The following DOCK10 variants were observed in gnomAD, a reference collection of about 807,000 sequenced individuals.
The protein encoded by DOCK10 is dedicator of cytokinesis 10, also known as dedicator of cytokinesis protein 10.
DOCK10 carries 145 observed loss-of-function variants against 280.1 expected under a neutral mutation model. That is an observed-to-expected ratio of 0.52 (90% CI 0.45 to 0.59). The LOEUF (loss-of-function observed/expected upper bound fraction) is 0.59. Ranked by LOEUF, DOCK10 falls within the 20% of genes least tolerant of loss-of-function variation. DOCK10 has a pLI of 0.00. For synonymous variants in DOCK10, 915 were observed against 942.2 expected (o/e 0.97, Z 0.53); for missense variants, 2,368 against 2,651.7 (o/e 0.89, Z 2.35).
Position 224,852,252 on chromosome 2 carries a change from T to TA in DOCK10, c.2142+124dup. On this transcript the variant is annotated intron_variant, in intron 18 of 55. Coordinates refer to ENST00000258390, the MANE Select transcript of DOCK10 (RefSeq NM_014689.3). ...TGTTAAATCAGGTATGTTTCAGATC[T>TA]AAAACAAATGTATTAAATTACTGCT... The TA allele has an allele frequency of 5.6e-6, 4 of 709,372 alleles. No individual in the cohort carries two copies. The South Asian group carries it at 7.6e-5, about 13-fold the overall frequency. The allele number at this position is 709,372 out of a possible 1,614,324, so 43.9% of individuals were successfully genotyped here. A position where few individuals can be genotyped will look rare whatever the true frequency, so the allele number is the denominator to read the frequency against.
chr2:224,949,304 G>C (rs1483046061), intron 1 of DOCK10, among the ~76,000 whole-genome samples: 1 of 152,094 alleles, frequency 6.6e-6, no homozygotes. Context: ...TAGGACAATG[G>C]GCAAGAACCA....
chr2:224,967,328 C>T (rs191165837), intron 1 of DOCK10, among the ~76,000 whole-genome samples: 2,047 of 152,284 alleles, frequency 0.013, 28 homozygotes, highest in Non-Finnish European at 0.018. Context: ...GATCTGCCCA[C>T]CTCGGCCTCC....
At chr2:224,923,924 C>T (rs1446526009) in intron 2 of DOCK10, among the ~76,000 whole-genome samples, 1 of 152,232 alleles carries the variant, frequency 6.6e-6, no homozygotes, top group East Asian at 1.9e-4. Flanking sequence ...AAAGGTTATG[C>T]TGCTGATGAA....
At chr2:224,862,806 A>T in intron 13 of DOCK10, 60 bp from the exon 14 acceptor site, 1 of 944,726 alleles carries the variant, frequency 1.1e-6, no homozygotes, top group African/African-American at 1.7e-5. Flanking sequence ...TGTACATATA[A>T]AATAATACTA....
intron 1 of DOCK10, among the ~76,000 whole-genome samples, chr2:225,009,194 T>G (rs1575162932): frequency 6.6e-6 from 1 of 152,214 alleles, no homozygotes; most frequent in South Asian, 2.1e-4. Context: ...TAGGTTTAAG[T>G]GGTTAAAATT....
chr2:224,890,802 G>A (rs1258612459), intron 4 of DOCK10, among the ~76,000 whole-genome samples: 1 of 152,148 alleles, frequency 6.6e-6, no homozygotes, highest in Non-Finnish European at 1.5e-5. Context: ...TAACTCTTTG[G>A]GGGTGATAAC....
rs547478800 is a variant in DOCK10, at chr2:225,023,736, T to C, written c.123+18516A>G. Among the ~76,000 whole-genome samples the C allele has an allele frequency of 2.1e-3, 323 of 152,228 alleles. 5 individuals carry two copies. Among genetic ancestry groups the C allele is most frequent in the African/African-American group, 7.3e-3 (305 of 41,550 alleles). ...GAAAAGGCTGTTCTCAGAAGCATCA[T>C]TGATAACAGCAAAAACCAAAAACTA... On this transcript the variant is annotated intron_variant, in intron 1 of 55. Coordinates refer to ENST00000258390, the MANE Select transcript of DOCK10 (RefSeq NM_014689.3).
At chr2:224,803,741 C>CA (rs1346332598) in intron 39 of DOCK10, among the ~76,000 whole-genome samples, 1 of 151,978 alleles carries the variant, frequency 6.6e-6, no homozygotes, top group African/African-American at 2.4e-5. Context: ...TCCACATTTC[C>CA]GTTTGTCACT....
In DOCK10 at chr2:224,845,263, G is replaced by A; in HGVS notation, c.2421C>T (p.Ile807=). 1 of 1,588,246 alleles carries A rather than the reference G, an allele frequency of 6.3e-7. No individual in the cohort carries two copies. Among genetic ancestry groups the A allele is most frequent in the South Asian group, 1.1e-5 (1 of 87,254 alleles). The change falls in exon 21 of 56, where the codon ATC becomes ATT. Residue 807 remains isoleucine, a synonymous_variant. Coordinates refer to ENST00000258390, the MANE Select transcript of DOCK10 (RefSeq NM_014689.3). The part of the protein sequence containing the change: ...HDQIASQEYN[I]PIATSLPPNY... Reference sequence around the variant, plus strand: ...TAGGAGGCAGACTTGTTGCTATTGGGATGTTGTACTCTTGAGAAGCTATCT... The same window carrying A: ...TAGGAGGCAGACTTGTTGCTATTGGAATGTTGTACTCTTGAGAAGCTATCT...
chr2:224,921,106 AAAAAAAAT>A lies in DOCK10; in HGVS notation c.244-4330_244-4323del, dbSNP rs1194274230. On this transcript the variant is annotated intron_variant, in intron 2 of 55. Coordinates refer to ENST00000258390, the MANE Select transcript of DOCK10 (RefSeq NM_014689.3). ...ACCGTCTCTATTAAAAAAAAAAAAA[AAAAAAAAT>A]ATATATATATATATATATATAATGT... 1.7e-3 allele frequency among the ~76,000 whole-genome samples: 100 copies of A among 57,814 alleles called. 2 individuals are homozygous for A. The highest frequency in any genetic ancestry group is 5.2e-3 in the African/African-American group (54 of 10,366). The allele number at this position is 57,814 out of a possible 152,430, so 37.9% of individuals were successfully genotyped here.
intron 3 of DOCK10, among the ~76,000 whole-genome samples, chr2:224,902,851 A>C (rs1189028303): frequency 1.3e-5 from 2 of 152,054 alleles, no homozygotes; most frequent in African/African-American, 2.4e-5. Context: ...CCCAGCACTT[A>C]GGGAGGCCAA....
intron 1 of DOCK10, chr2:224,983,683 C>A (rs921395463): frequency 8.8e-6 from 4 of 455,632 alleles, no homozygotes; most frequent in Non-Finnish European, 1.4e-5. Context: ...TAATCTGTCA[C>A]AACACAGCAT....
At position 225,025,207 on chromosome 2, in the gene DOCK10, A is replaced by G. The variant is rs148922944; in HGVS notation, c.123+17045T>C. On this transcript the variant is annotated intron_variant, in intron 1 of 55. Coordinates refer to ENST00000258390, the MANE Select transcript of DOCK10 (RefSeq NM_014689.3). ...TATCGAGTGAGAAGAATTCTGAGTA[A>G]GAATCGTGAAGGAGTCCTGTAGGCA... Among the ~76,000 whole-genome samples the G allele has an allele frequency of 1.6e-3, 243 of 152,296 alleles. 1 individual carries two copies. The highest frequency in any genetic ancestry group is 5.5e-3 in the African/African-American group (230 of 41,562).
intron 2 of DOCK10, among the ~76,000 whole-genome samples, chr2:224,919,872 C>A (rs545053364): frequency 6.6e-6 from 1 of 152,216 alleles, no homozygotes; most frequent in Non-Finnish European, 1.5e-5. Flanking sequence ...TAAAGCACAG[C>A]TGTGGACTGA....
In DOCK10 at chr2:224,838,748, A is replaced by T. The variant is rs144751802; in HGVS notation, c.2781-917T>A. 9.7e-4 allele frequency among the ~76,000 whole-genome samples: 148 copies of T among 152,332 alleles called. 1 individual carries two copies. In the East Asian group the frequency reaches 0.011, roughly 12 times the overall value. On this transcript the variant is annotated intron_variant, in intron 24 of 55. Transcript: ENST00000258390. ...CCAGAATGCTATGACTAAATTTTTT[A>T]AAAAAATGAACAGCACAAATATATA...
At chr2:224,888,820 GTA>G (rs1293009251) in intron 4 of DOCK10, among the ~76,000 whole-genome samples, 35 of 137,380 alleles carry the variant, frequency 2.5e-4, no homozygotes, top group East Asian at 1.2e-3. Context: ...ATGTGTGTAT[GTA>G]TGTGTGTGAA....
intron 3 of DOCK10, among the ~76,000 whole-genome samples, chr2:224,903,081 G>C (rs1406628860): frequency 6.6e-6 from 1 of 152,242 alleles, no homozygotes; most frequent in Non-Finnish European, 1.5e-5. Context: ...CTGGGCGACA[G>C]AGCGAGACTC....
chr2:224,802,065 T>A (rs745365386), intron 39 of DOCK10, 25 bp from the exon 40 acceptor site: 1 of 1,608,854 alleles, frequency 6.2e-7, no homozygotes, highest in Non-Finnish European at 8.5e-7. Context: ...AGAAAAGTGG[T>A]TAGAGTTATT....
intron 1 of DOCK10, among the ~76,000 whole-genome samples, chr2:224,945,017 G>C (rs1343389653): frequency 2.6e-5 from 4 of 152,174 alleles, no homozygotes; most frequent in African/African-American, 9.7e-5. Context: ...AGAGTGATTA[G>C]CTTCATTATA....
Sources: gnomAD v4.1 joint callset for allele counts (sites outside exome capture counted in the v4.1 genomes callset) on GRCh38, gnomAD v4.1.1 for gene constraint, MANE v1.5 for transcripts, NCBI Gene and HGNC (gene_info 2026-07-23, HGNC 2026-07-21) for gene names.